Variants in TBCE observed in about 807,000 individuals in gnomAD.
The protein encoded by TBCE is tubulin folding cofactor E, also known as tubulin-specific chaperone E.
Under a neutral mutation model 77.0 loss-of-function variants are expected in TBCE, and 53 were observed. The ratio of observed to expected loss-of-function variants is 0.69; its 90% CI spans 0.55 to 0.87. The LOEUF is 0.87. Among genes scored for constraint, TBCE ranks in the 40% least tolerant of loss-of-function variants. The pLI, the probability that TBCE is intolerant of heterozygous loss-of-function variation, is 0.00. For synonymous variants in TBCE, 235 were observed against 241.3 expected, an observed-to-expected ratio of 0.97 and a Z score of 0.24; for missense variants, 624 against 622.4, an observed-to-expected ratio of 1.00 and a Z score of -0.03.
At chr1:235,445,190 G>A (rs952514295) in intron 15 of TBCE, among the ~76,000 whole-genome samples, 3 of 152,160 alleles carry the variant, frequency 2.0e-5, no homozygotes, top group Non-Finnish European at 4.4e-5. Context: ...AGATTACAAG[G>A]GTTCCTTTTT....
chr1:235,393,071 G>A (rs1558356366), intron 2 of TBCE, among the ~76,000 whole-genome samples: 1 of 151,956 alleles, frequency 6.6e-6, no homozygotes, highest in Admixed American at 6.6e-5. Context: ...GAGTTTCTTA[G>A]CTTCCCATAT....
At chr1:235,440,137 A>G (rs1208604282) in intron 13 of TBCE, among the ~76,000 whole-genome samples, 2 of 151,808 alleles carry the variant, frequency 1.3e-5, no homozygotes, top group Non-Finnish European at 2.9e-5. Context: ...CACCCGGCTA[A>G]TTTTTTGTAT....
intron 1 of TBCE, among the ~76,000 whole-genome samples, chr1:235,378,360 A>T (rs764615339): frequency 6.6e-6 from 1 of 151,088 alleles, no homozygotes; most frequent in Non-Finnish European, 1.5e-5. Flanking sequence ...AGCTGGGACT[A>T]CAGGCGTGTG....
chr1:235,436,740 ACTC>A, intron 11 of TBCE, 132 bp downstream of exon 11: 1 of 908,218 alleles, frequency 1.1e-6, no homozygotes, highest in East Asian at 2.5e-5. Flanking sequence ...TCAGAGTGAA[ACTC>A]CTCATAAGAA....
At position 235,423,428 on chromosome 1, in the gene TBCE, G is replaced by T. The variant is rs557818785; in HGVS notation, c.461-3712G>T. 4.0e-3 allele frequency among the ~76,000 whole-genome samples: 608 copies of T among 152,300 alleles called. 4 individuals are homozygous for T. Among genetic ancestry groups the T allele is most frequent in the African/African-American group, 0.014 (581 of 41,558 alleles). The stretch of plus-strand genomic sequence containing the variant: ...CTAGGCTACATAATGGGAAGCAGCA[G>T]TGAGGGAAGCGTGATTGGACTTAAA... On this transcript the variant is annotated intron_variant, in intron 5 of 16. Coordinates refer to ENST00000642610, the MANE Select transcript of TBCE (RefSeq NM_003193.5).
At chr1:235,415,378 C>T (rs572931289) in intron 4 of TBCE, 1 of 152,330 alleles carries the variant, frequency 6.6e-6, no homozygotes, top group African/African-American at 2.4e-5. Flanking sequence ...CTAGTCATTC[C>T]AGTGAACTGC....
intron 4 of TBCE, among the ~76,000 whole-genome samples, chr1:235,418,052 G>A (rs1042679614): frequency 2.0e-5 from 3 of 152,192 alleles, no homozygotes; most frequent in African/African-American, 7.2e-5. Context: ...AAAGTGCTGG[G>A]ATTACAGGCA....
intron 2 of TBCE, among the ~76,000 whole-genome samples, chr1:235,397,070 G>C (rs1325346994): frequency 6.6e-6 from 1 of 152,086 alleles, no homozygotes; most frequent in Admixed American, 6.6e-5. Flanking sequence ...CACCGCCCTG[G>C]CTCAAGCGAT....
intron 4 of TBCE, 93 bp from the exon 5 acceptor site, chr1:235,419,380 C>T: frequency 6.4e-7 from 1 of 1,570,546 alleles, no homozygotes; most frequent in Non-Finnish European, 8.7e-7. Flanking sequence ...TTTTTGGTAC[C>T]CTTTTATATG....
At chr1:235,439,114 G>GC in intron 13 of TBCE, 192 bp downstream of exon 13, 1 of 681,880 alleles carries the variant, frequency 1.5e-6, no homozygotes, top group Non-Finnish European at 2.5e-6. Context: ...GTATCTTTCA[G>GC]CAGGAGGAAC....
At chr1:235,422,990 G>A (rs969882207) in intron 5 of TBCE, among the ~76,000 whole-genome samples, 4 of 152,194 alleles carry the variant, frequency 2.6e-5, no homozygotes, top group African/African-American at 7.2e-5. Flanking sequence ...GAGGTTTCAC[G>A]AAGATAATCA....
At chr1:235,380,212 T>C in intron 2 of TBCE, 63 bp downstream of exon 2, 2 of 1,107,900 alleles carry the variant, frequency 1.8e-6, no homozygotes, top group Non-Finnish European at 1.3e-6. Flanking sequence ...TGTGTGTGTG[T>C]GTATTTTGCA....
intron 2 of TBCE, among the ~76,000 whole-genome samples, chr1:235,381,894 A>G (rs1677678673): frequency 1.3e-5 from 2 of 148,300 alleles, no homozygotes; most frequent in South Asian, 2.1e-4. Context: ...TACATGTGCC[A>G]TGCTGGTGTG....
intron 2 of TBCE, among the ~76,000 whole-genome samples, chr1:235,397,607 T>C (rs1558359500): frequency 6.6e-6 from 1 of 152,212 alleles, no homozygotes; most frequent in Non-Finnish European, 1.5e-5. Context: ...CTGATTATGA[T>C]TGGCTTTTCA....
intron 1 of TBCE, among the ~76,000 whole-genome samples, chr1:235,373,885 G>A (rs1267630004): frequency 2.1e-5 from 3 of 145,746 alleles, no homozygotes; most frequent in Non-Finnish European, 4.5e-5. Flanking sequence ...TCCTGACCTC[G>A]TGATCCTCCC....
Position 235,448,676 on chromosome 1 carries a change from G to T in TBCE, c.1498G>T (p.Gly500Cys). The change falls in exon 17 of 17, where the codon GGC becomes TGC. Residue 500 changes from glycine to cysteine, a missense_variant. Gly to Cys is a radical substitution (Grantham distance 159). Transcript: ENST00000642610. ...ACCTTCGTTCTAATTTTAGAAGCCGGGCAGAGAAATCGAGCTGGAAAATGA... is the reference window on the plus strand; with the variant it reads ...ACCTTCGTTCTAATTTTAGAAGCCGTGCAGAGAAATCGAGCTGGAAAATGA... ...LLSYESPKKP[G>C]REIELENDLK... The T allele has an allele frequency of 6.2e-7, 1 of 1,613,772 alleles. No homozygotes were observed. The highest frequency in any genetic ancestry group is 1.3e-5 in the African/African-American group (1 of 74,986).
intron 7 of TBCE, 158 bp from the exon 8 acceptor site, chr1:235,434,046 A>G: frequency 1.4e-6 from 1 of 728,124 alleles, no homozygotes; most frequent in South Asian, 1.5e-5. Flanking sequence ...ATCACCCCCC[A>G]CCACTATTCC....
At chr1:235,388,489 A>T (rs534146712) in intron 2 of TBCE, among the ~76,000 whole-genome samples, 1 of 152,074 alleles carries the variant, frequency 6.6e-6, no homozygotes, top group East Asian at 1.9e-4. Context: ...GGGTTTCACC[A>T]TGTTGGCCAG....
intron 3 of TBCE, 71 bp downstream of exon 3, chr1:235,401,658 G>A: frequency 1.5e-6 from 2 of 1,310,344 alleles, no homozygotes; most frequent in Non-Finnish European, 2.2e-6. Context: ...AAGGAGGGAT[G>A]GAGAGGAAGA....
Sources: allele counts gnomAD v4.1 joint callset (sites outside exome capture counted in the v4.1 genomes callset), GRCh38; gene constraint gnomAD v4.1.1; transcripts MANE v1.5; gene names NCBI Gene and HGNC (gene_info 2026-07-23, HGNC 2026-07-21).